The following FAM89A variants were observed in gnomAD, a reference collection of about 807,000 sequenced individuals.
FAM89A encodes protein FAM89A.
Under a neutral mutation model 7.1 loss-of-function variants are expected in FAM89A, and 10 were observed. That is an observed-to-expected ratio of 1.40 (90% confidence interval 0.86 to 2.38). The LOEUF (loss-of-function observed/expected upper bound fraction) is 2.38, where lower values mean the gene tolerates loss of function less well. Ranked by LOEUF, FAM89A falls within the 30% of genes most tolerant of loss-of-function variation. The pLI, the probability that FAM89A is intolerant of heterozygous loss-of-function variation, is 0.00. For missense variants in FAM89A, 276 were observed against 262.8 expected, an observed-to-expected ratio of 1.05 and a Z score of -0.35; for synonymous variants, 157 against 129.3, an observed-to-expected ratio of 1.21 and a Z score of -1.45.
rs533305269 is a variant in FAM89A at position 231,020,253 on chromosome 1, T to G, written c.292-127A>C. 15 of 1,002,632 alleles carry G rather than the reference T, an allele frequency of 1.5e-5. No homozygotes were observed. The African/African-American group carries it at 1.8e-4, about 12-fold the overall frequency. 62.1% of individuals were successfully genotyped at this position (1,002,632 alleles called of 1,614,324 possible). A position where few individuals can be genotyped will look rare whatever the true frequency, so the allele number is the denominator to read the frequency against. On this transcript the variant is annotated intron_variant, in intron 1 of 1. Transcript: ENST00000366654. ...TCCACACGGCGCATGATTCAGAGCA[T>G]CACTCGGATGCTTTGGATTTCCAGT...
In FAM89A at chr1:231,039,963, A is replaced by G. The variant is rs1680231766; in HGVS notation, c.249T>C (p.Pro83=). Residue 83 remains proline (P), a synonymous_variant, in exon 1 of 2, where the codon CCT becomes CCC. Coordinates refer to ENST00000366654, the MANE Select transcript of FAM89A (RefSeq NM_198552.3). ...GARAAALPAK[P]PNLDAALALL... is the part of the protein sequence containing the mutation. ...GCGCCAGAGCGGCGTCCAGGTTGGGAGGCTTGGCGGGCAGCGCTGCCGCCC... is the reference window on the plus strand; with the variant it reads ...GCGCCAGAGCGGCGTCCAGGTTGGGGGGCTTGGCGGGCAGCGCTGCCGCCC... The G allele has an allele frequency of 3.7e-6, 5 of 1,368,570 alleles. No homozygotes were observed. The highest frequency in any genetic ancestry group is 1.7e-5 in the South Asian group (1 of 57,754). The allele number at this position is 1,368,570 out of a possible 1,614,324, so 84.8% of individuals were successfully genotyped here.
At chr1:231,025,690 G>A (rs181005691) in intron 1 of FAM89A, among the ~76,000 whole-genome samples, 75 of 151,724 alleles carry the variant, frequency 4.9e-4, no homozygotes, top group African/African-American at 1.4e-3. Flanking sequence ...ATTATCCATA[G>A]TTTGGGAATT....
At chr1:231,028,183 T>C (rs753504803) in intron 1 of FAM89A, among the ~76,000 whole-genome samples, 4 of 151,932 alleles carry the variant, frequency 2.6e-5, no homozygotes, top group Non-Finnish European at 5.9e-5. Context: ...GTCACAGAGG[T>C]GCAGACTGAA....
In FAM89A at chr1:231,019,963, T is replaced by C; in HGVS notation, c.455A>G (p.Gln152Arg). The stretch of plus-strand genomic sequence containing the variant: ...GTCCCTCCTGTCGTGCAGGGAGTTC[T>C]GCTCCTGGAAATATTCCTCCTCTTC... ...FDEEEEYFQE[Q>R]NSLHDRRDRG... Residue 152 changes from glutamine (Q) to arginine (R), a missense_variant, in exon 2 of 2, where the codon CAG (glutamine) becomes CGG (arginine). Coordinates refer to ENST00000366654, the MANE Select transcript of FAM89A (RefSeq NM_198552.3). 1 of 1,614,202 alleles carries C rather than the reference T, an allele frequency of 6.2e-7. No homozygotes were observed. The highest frequency in any genetic ancestry group is 2.2e-5 in the East Asian group (1 of 44,872).
At chr1:231,029,438 G>A (rs1039187525) in intron 1 of FAM89A, among the ~76,000 whole-genome samples, 4 of 152,048 alleles carry the variant, frequency 2.6e-5, no homozygotes, top group Admixed American at 6.5e-5. Context: ...GCTGCAGTGC[G>A]CTGTGATCGC....
At chr1:231,027,549 C>T (rs1679994564) in intron 1 of FAM89A, among the ~76,000 whole-genome samples, 1 of 152,194 alleles carries the variant, frequency 6.6e-6, no homozygotes, top group African/African-American at 2.4e-5. Context: ...TACCAGAAAT[C>T]CTCTAAATCA....
At chr1:231,026,228 C>T (rs564594559) in intron 1 of FAM89A, among the ~76,000 whole-genome samples, 12 of 152,148 alleles carry the variant, frequency 7.9e-5, no homozygotes, top group South Asian at 2.1e-4. Flanking sequence ...GTGTTCCTCC[C>T]GCTCCTCTCC....
intron 1 of FAM89A, among the ~76,000 whole-genome samples, chr1:231,024,544 A>ACACG (rs1456061973): frequency 6.6e-6 from 1 of 151,812 alleles, no homozygotes; most frequent in Non-Finnish European, 1.5e-5. Flanking sequence ...ACACACACAC[A>ACACG]CACACATTTA....
intron 1 of FAM89A, among the ~76,000 whole-genome samples, chr1:231,038,371 A>C (rs1396180072): frequency 6.6e-6 from 1 of 152,248 alleles, no homozygotes; most frequent in African/African-American, 2.4e-5. Context: ...GCAAGACTCC[A>C]GAGCATGTTT....
chr1:231,035,173 T>C lies in FAM89A; in HGVS notation c.291+4748A>G, dbSNP rs144434169. 6.2e-3 allele frequency among the ~76,000 whole-genome samples: 945 copies of C among 152,324 alleles called. 13 individuals are homozygous for C. The highest frequency in any genetic ancestry group is 0.021 in the African/African-American group (872 of 41,568). On this transcript the variant is annotated intron_variant, in intron 1 of 1. Coordinates refer to ENST00000366654, the MANE Select transcript of FAM89A (RefSeq NM_198552.3). Reference sequence around the variant, plus strand: ...AGCTATTCCAGCTAATGAGCTGGAATCCAGTTCACTGGACAAGCTCATTAG... The same window carrying C: ...AGCTATTCCAGCTAATGAGCTGGAACCCAGTTCACTGGACAAGCTCATTAG...
Position 231,040,124 on chromosome 1 carries a change from T to C in FAM89A, c.88A>G (p.Ser30Gly), listed in dbSNP as rs748848078. 17 of 1,381,500 alleles carry C rather than the reference T, an allele frequency of 1.2e-5. No individual in the cohort carries two copies. The highest frequency in any genetic ancestry group is 1.2e-4 in the African/African-American group (8 of 66,396). 85.6% of individuals were successfully genotyped at this position (1,381,500 alleles called of 1,614,324 possible). A position where few individuals can be genotyped will look rare whatever the true frequency, so the allele number is the denominator to read the frequency against. ...GCCGAGTGCAGCAGCCCGCTCAAGC[T>C]CTTTGGCAGCGGGGGCAGCCCGTCC... is the stretch of plus-strand genomic sequence containing the variant. ...RVDGLPPLPK[S>G]LSGLLHSASG... The change falls in exon 1 of 2, where the codon AGC becomes GGC. Residue 30 changes from serine to glycine, a missense_variant. Ser to Gly is a moderately conservative substitution (Grantham distance 56). Transcript: ENST00000366654.
chr1:231,031,316 T>C (rs918834901), intron 1 of FAM89A, among the ~76,000 whole-genome samples: 11 of 152,122 alleles, frequency 7.2e-5, no homozygotes, highest in Non-Finnish European at 1.5e-4. Flanking sequence ...TTTCAGACAA[T>C]TGTGGATATT....
Position 231,020,082 on chromosome 1 carries a change from G to A in FAM89A, c.336C>T (p.Tyr112=), listed in dbSNP as rs377750931. ...ACTCCTGAATCGACTCGTAGAGGCT[G>A]TACAGTTGGCAGAGCAAGGACATGT... ...QLDMSLLCQL[Y]SLYESIQEYK... Residue 112 remains tyrosine, a synonymous_variant, in exon 2 of 2, where the codon TAC becomes TAT. Coordinates refer to ENST00000366654, the MANE Select transcript of FAM89A (RefSeq NM_198552.3). 25 of 1,613,856 alleles carry A rather than the reference G, an allele frequency of 1.5e-5. No homozygotes were observed. The highest frequency in any genetic ancestry group is 2.0e-5 in the Non-Finnish European group (24 of 1,179,966).
intron 1 of FAM89A, among the ~76,000 whole-genome samples, chr1:231,034,322 C>A (rs1680123496): frequency 6.6e-6 from 1 of 152,200 alleles, no homozygotes; most frequent in African/African-American, 2.4e-5. Context: ...GCCAAAAGGA[C>A]CCTTTATGGC....
At chr1:231,038,261 C>T (rs1459588914) in intron 1 of FAM89A, among the ~76,000 whole-genome samples, 4 of 152,144 alleles carry the variant, frequency 2.6e-5, no homozygotes, top group African/African-American at 9.7e-5. Context: ...GAGCTCTGGT[C>T]CAAGGCGTAA....
rs1242728000 is a variant in FAM89A, at chr1:231,019,566, G to A, written c.*297C>T. The stretch of plus-strand genomic sequence containing the variant: ...AAAACACCCACTAAGGCCTTTCACC[G>A]AGATCCTCTTGTTATATTCTCATTA... On this transcript the variant is annotated 3_prime_UTR_variant, in exon 2 of 2. Coordinates refer to ENST00000366654, the MANE Select transcript of FAM89A (RefSeq NM_198552.3). The A allele has an allele frequency of 9.4e-6, 3 of 317,502 alleles. No individual in the cohort carries two copies. The highest frequency in any genetic ancestry group is 1.8e-5 in the Non-Finnish European group (3 of 170,978). The allele number at this position is 317,502 out of a possible 1,614,324, so 19.7% of individuals were successfully genotyped here. A position where few individuals can be genotyped will look rare whatever the true frequency, so the allele number is the denominator to read the frequency against.
chr1:231,021,907 G>T, intron 1 of FAM89A: 1 of 1,542,806 alleles, frequency 6.5e-7, no homozygotes, highest in African/African-American at 1.4e-5. Flanking sequence ...ACGATGAGTT[G>T]TTGTCCAGGG....
intron 1 of FAM89A, among the ~76,000 whole-genome samples, chr1:231,034,245 G>C (rs1448476163): frequency 1.3e-5 from 2 of 152,174 alleles, no homozygotes; most frequent in African/African-American, 4.8e-5. Context: ...AGTTATGACA[G>C]AGCCAACTTC....
At chr1:231,033,606 C>A (rs995795300) in intron 1 of FAM89A, among the ~76,000 whole-genome samples, 2 of 152,182 alleles carry the variant, frequency 1.3e-5, no homozygotes, top group African/African-American at 4.8e-5. Flanking sequence ...TTGAGGCTAT[C>A]TGCAAATGAA....
Sources: gnomAD v4.1 joint callset for allele counts (sites outside exome capture counted in the v4.1 genomes callset) on GRCh38, gnomAD v4.1.1 for gene constraint, MANE v1.5 for transcripts, NCBI Gene and HGNC (gene_info 2026-07-23, HGNC 2026-07-21) for gene names.